The following PRKG2 variants were observed in gnomAD, a reference collection of about 807,000 sequenced individuals.
The protein encoded by PRKG2 is protein kinase cGMP-dependent 2, also known as cGMP-dependent protein kinase 2.
In PRKG2, 33 loss-of-function variants were observed where a neutral mutation model predicts 97.2. The observed-to-expected ratio is 0.34, with a 90% CI of 0.26 to 0.45. PRKG2 has a LOEUF of 0.45. Ranked by LOEUF, PRKG2 falls within the 20% of genes least tolerant of loss-of-function variation. PRKG2 has a pLI of 1.00. For synonymous variants in PRKG2, 330 were observed against 321.8 expected (o/e 1.03, Z -0.27); for missense variants, 638 against 900.0 (o/e 0.71, Z 3.73).
rs576235519 is a variant in PRKG2, at chr4:81,113,478, C to T, written c.1777-2867G>A. On this transcript the variant is annotated intron_variant, in intron 14 of 18. Coordinates refer to ENST00000264399, the MANE Select transcript of PRKG2 (RefSeq NM_006259.3). ...ATTAAATTCTCATTATTAACGATGG[C>T]GTACATCATGCTGAAAACATCATCT... 1.4e-4 allele frequency among the ~76,000 whole-genome samples: 21 copies of T among 151,888 alleles called. 1 individual carries two copies. In the South Asian group the frequency reaches 1.9e-3, roughly 14 times the overall value.
chr4:81,130,100 CT>C (rs1746019354), intron 14 of PRKG2, among the ~76,000 whole-genome samples: 1 of 152,140 alleles, frequency 6.6e-6, no homozygotes, highest in African/African-American at 2.4e-5. Context: ...AATTTTCAGC[CT>C]TTTTGTGCTG....
intron 6 of PRKG2, among the ~76,000 whole-genome samples, chr4:81,163,161 GACAGTAACTTC>G: frequency 6.6e-6 from 1 of 152,138 alleles, no homozygotes. Context: ...CCAGTGTGTT[GACAGTAACTTC>G]ATAGATCAGA....
chr4:81,158,955 C>T (rs1223385041), intron 6 of PRKG2, among the ~76,000 whole-genome samples: 1 of 149,628 alleles, frequency 6.7e-6, no homozygotes, highest in Non-Finnish European at 1.5e-5. Context: ...ATACAAAAAT[C>T]AATTCAAGAT....
At position 81,189,381 on chromosome 4, in the gene PRKG2, C is replaced by G. The variant is rs542562457; in HGVS notation, c.462-14422G>C. ...GAAATAATAAAAATGTCAACACACA[C>G]AAAAAAAAAGAAAATGTGGCACATA... On this transcript the variant is annotated intron_variant, in intron 2 of 18. Transcript: ENST00000264399. 1.5e-4 allele frequency among the ~76,000 whole-genome samples: 19 copies of G among 126,812 alleles called. 3 individuals carry two copies. The highest frequency in any genetic ancestry group is 1.4e-3 in the Admixed American group (19 of 13,586). The allele number at this position is 126,812 out of a possible 152,430, so 83.2% of individuals were successfully genotyped here.
chr4:81,194,548 G>T (rs1394946177), intron 2 of PRKG2, among the ~76,000 whole-genome samples: 1 of 152,120 alleles, frequency 6.6e-6, no homozygotes, highest in African/African-American at 2.4e-5. Context: ...ATTAAATACA[G>T]TTGTAATTTA....
At chr4:81,166,369 C>G (rs1036498543) in intron 6 of PRKG2, among the ~76,000 whole-genome samples, 1 of 151,930 alleles carries the variant, frequency 6.6e-6, no homozygotes, top group African/African-American at 2.4e-5. Flanking sequence ...TATGTGACTC[C>G]TTTACTATTC....
At chr4:81,173,730 G>A (rs187971259) in intron 3 of PRKG2, 1 of 151,998 alleles carries the variant, frequency 6.6e-6, no homozygotes, top group Admixed American at 6.6e-5. Flanking sequence ...ACTATAAATA[G>A]AATAATACAT....
chr4:81,205,595 G>A (rs1025905009), intron 1 of PRKG2, among the ~76,000 whole-genome samples: 11 of 152,162 alleles, frequency 7.2e-5, no homozygotes, highest in African/African-American at 2.7e-4. Flanking sequence ...CTTTCCTCCT[G>A]CTGTATGTAT....
At chr4:81,199,970 G>A (rs983137105) in intron 2 of PRKG2, among the ~76,000 whole-genome samples, 4 of 152,152 alleles carry the variant, frequency 2.6e-5, no homozygotes, top group Non-Finnish European at 5.9e-5. Context: ...AAGAACAATA[G>A]TTTCAAATGA....
chr4:81,101,746 A>T (rs140499123), intron 17 of PRKG2, among the ~76,000 whole-genome samples: 2,700 of 152,038 alleles, frequency 0.018, 94 homozygotes, highest in Admixed American at 0.085. Context: ...CAAATAGAAA[A>T]AAGAAAAAAA....
intron 2 of PRKG2, among the ~76,000 whole-genome samples, chr4:81,192,866 T>TTA (rs1752661713): frequency 6.6e-6 from 1 of 152,138 alleles, no homozygotes; most frequent in Non-Finnish European, 1.5e-5. Context: ...TGTAATCACT[T>TTA]TATACCCCCA....
intron 14 of PRKG2, among the ~76,000 whole-genome samples, chr4:81,120,194 G>A (rs1744943457): frequency 6.6e-6 from 1 of 152,176 alleles, no homozygotes; most frequent in Admixed American, 6.5e-5. Flanking sequence ...TTCAAACTGT[G>A]TTCAAATAAG....
At chr4:81,153,109 A>C (rs1244925387) in intron 7 of PRKG2, among the ~76,000 whole-genome samples, 1 of 152,218 alleles carries the variant, frequency 6.6e-6, no homozygotes, top group African/African-American at 2.4e-5. Context: ...TATCTAGGTA[A>C]AGAAAAAGAC....
At chr4:81,123,212 A>C (rs768540861) in intron 14 of PRKG2, among the ~76,000 whole-genome samples, 4 of 152,178 alleles carry the variant, frequency 2.6e-5, no homozygotes, top group Non-Finnish European at 5.9e-5. Context: ...AATTCCTATT[A>C]TTTTTATTTT....
intron 2 of PRKG2, among the ~76,000 whole-genome samples, chr4:81,189,929 A>T (rs1426105225): frequency 6.6e-6 from 1 of 152,108 alleles, no homozygotes; most frequent in African/African-American, 2.4e-5. Context: ...AATAAGAGAG[A>T]ACACAAACAA....
intron 3 of PRKG2, among the ~76,000 whole-genome samples, chr4:81,172,670 A>C (rs972164716): frequency 6.6e-6 from 1 of 152,160 alleles, no homozygotes; most frequent in Non-Finnish European, 1.5e-5. Flanking sequence ...TAAAAGCATA[A>C]GCAAAAAAGA....
At chr4:81,212,889 G>A (rs1352804192) in intron 1 of PRKG2, among the ~76,000 whole-genome samples, 1 of 152,086 alleles carries the variant, frequency 6.6e-6, no homozygotes, top group African/African-American at 2.4e-5. Context: ...GTGAGTAGGA[G>A]GAACACTGCA....
At chr4:81,147,061 G>A (rs1408466025) in intron 9 of PRKG2, among the ~76,000 whole-genome samples, 1 of 152,060 alleles carries the variant, frequency 6.6e-6, no homozygotes, top group African/African-American at 2.4e-5. Flanking sequence ...TGTGCCTAAT[G>A]CAATACTTTG....
At position 81,167,113 on chromosome 4, in the gene PRKG2, T is replaced by G. The variant is rs747799971; in HGVS notation, c.912+48A>C. 12 of 1,248,652 alleles carry G rather than the reference T, an allele frequency of 9.6e-6. No homozygotes were observed. The South Asian group carries it at 1.6e-4, about 17-fold the overall frequency. 77.3% of individuals were successfully genotyped at this position (1,248,652 alleles called of 1,614,324 possible). On this transcript the variant is annotated intron_variant, in intron 6 of 18. Coordinates refer to ENST00000264399, the MANE Select transcript of PRKG2 (RefSeq NM_006259.3). ...TTATGGTGTTAATAATATAAGTACA[T>G]TCTAATATCTTCTAATGAAATTTAT...
Sources: gnomAD v4.1 joint callset for allele counts (sites outside exome capture counted in the v4.1 genomes callset) on GRCh38, gnomAD v4.1.1 for gene constraint, MANE v1.5 for transcripts, NCBI Gene and HGNC (gene_info 2026-07-23, HGNC 2026-07-21) for gene names.